ZNF555: variants seen among roughly 807,000 people sequenced by gnomAD.
ZNF555 encodes zinc finger protein 555.
In ZNF555, 10 loss-of-function variants were observed where a neutral mutation model predicts 14.0. The ratio of observed to expected loss-of-function variants is 0.72; its 90% CI spans 0.44 to 1.21. The LOEUF is 1.21. Among genes scored for constraint, ZNF555 ranks in the 50% most tolerant of loss-of-function variants. ZNF555 has a pLI of 0.00. For synonymous variants in ZNF555, 277 were observed against 262.4 expected, an observed-to-expected ratio of 1.06 and a Z score of -0.54; for missense variants, 747 against 762.0, an observed-to-expected ratio of 0.98 and a Z score of 0.23.
In ZNF555 at chr19:2,858,654, C is replaced by G. The variant is rs530873200; in HGVS notation, c.*4702C>G. The G allele has an allele frequency of 9.2e-5, 14 of 152,402 alleles. No homozygotes were observed. In the South Asian group the frequency reaches 1.0e-3, roughly 11 times the overall value. 9.4% of individuals were successfully genotyped at this position (152,402 alleles called of 1,614,324 possible). On this transcript the variant is annotated 3_prime_UTR_variant, in exon 4 of 4. Coordinates refer to ENST00000334241, the MANE Select transcript of ZNF555 (RefSeq NM_152791.5). ...TCTTGCTGTTGGGAACACGTGGCAGCCCTGCGTTGTGAGGTGAGAGAAGAG... is the reference window on the plus strand; with the variant it reads ...TCTTGCTGTTGGGAACACGTGGCAGGCCTGCGTTGTGAGGTGAGAGAAGAG...
chr19:2,853,678 G>C lies in ZNF555; in HGVS notation c.1613G>C (p.Cys538Ser). The change falls in exon 4 of 4, where the codon TGT becomes TCT. Residue 538 changes from cysteine (C) to serine (S), a missense_variant. Transcript: ENST00000334241. ...CACACTGTAGAGAAGCCCTATGAAT[G>C]TAAGGAATGTGGGAAGGTCTTCAAA... Reference protein sequence around the residue: ...RTHTVEKPYECKECGKVFKWP... With the variant: ...RTHTVEKPYESKECGKVFKWP... 3.8e-6 allele frequency: 6 copies of C among 1,580,778 alleles called. No homozygotes were observed. Among genetic ancestry groups the C allele is most frequent in the Non-Finnish European group, 5.2e-6 (6 of 1,164,840 alleles).
chr19:2,852,269 T>G, intron 3 of ZNF555, 111 bp from the exon 4 acceptor site: 5 of 1,300,500 alleles, frequency 3.8e-6, no homozygotes, highest in Non-Finnish European at 5.3e-6. Flanking sequence ...ACAGTTCCCA[T>G]GGGGTGAAAA....
intron 2 of ZNF555, 43 bp from the exon 3 acceptor site, chr19:2,851,425 A>T (rs1273546609): frequency 1.3e-6 from 2 of 1,510,302 alleles, no homozygotes; most frequent in African/African-American, 2.8e-5. Context: ...GTTTTCCGCT[A>T]ACAAGTGCCT....
chr19:2,853,429 A>G lies in ZNF555; in HGVS notation c.1364A>G (p.Lys455Arg). The G allele has an allele frequency of 1.2e-6, 2 of 1,614,200 alleles. No individual in the cohort carries two copies. Among genetic ancestry groups the G allele is most frequent in the Non-Finnish European group, 1.7e-6 (2 of 1,180,022 alleles). The change falls in exon 4 of 4, where the codon AAG becomes AGG. Residue 455 changes from lysine (K) to arginine (R), a missense_variant. Lys to Arg is a conservative substitution (Grantham distance 26). Transcript: ENST00000334241. Reference sequence around the variant, plus strand: ...ACTAGAGAGAAACCCTATGAATGTAAGCAGTGTGGGAAAGCCTTCAGCTTG... The same window carrying G: ...ACTAGAGAGAAACCCTATGAATGTAGGCAGTGTGGGAAAGCCTTCAGCTTG... ...THTREKPYEC[K>R]QCGKAFSLSA... is the part of the protein sequence containing the mutation.
chr19:2,847,710 A>G (rs1283028281), intron 1 of ZNF555, among the ~76,000 whole-genome samples: 1 of 152,376 alleles, frequency 6.6e-6, no homozygotes, highest in Non-Finnish European at 1.5e-5. Flanking sequence ...ATTGGATTAG[A>G]TGATGTCATT....
At chr19:2,846,949 T>C (rs1439134919) in intron 1 of ZNF555, among the ~76,000 whole-genome samples, 1 of 152,240 alleles carries the variant, frequency 6.6e-6, no homozygotes, top group Non-Finnish European at 1.5e-5. Context: ...TTGCCTCTCT[T>C]TTCATTTGTT....
Position 2,853,417 on chromosome 19 carries a change from C to G in ZNF555, c.1352C>G (p.Pro451Arg). 1 of 1,614,020 alleles carries G rather than the reference C, an allele frequency of 6.2e-7. No individual in the cohort carries two copies. The highest frequency in any genetic ancestry group is 8.5e-7 in the Non-Finnish European group (1 of 1,179,982). Residue 451 changes from proline to arginine, a missense_variant, in exon 4 of 4, where the codon CCC (proline) becomes CGC (arginine). By Grantham distance (103) the Pro-to-Arg change is moderately radical. Coordinates refer to ENST00000334241, the MANE Select transcript of ZNF555 (RefSeq NM_152791.5). Reference protein sequence around the residue: ...KHMRTHTREKPYECKQCGKAF... With the variant: ...KHMRTHTREKRYECKQCGKAF... The stretch of plus-strand genomic sequence containing the variant: ...ATGAGAACACATACTAGAGAGAAAC[C>G]CTATGAATGTAAGCAGTGTGGGAAA...
At position 2,859,168 on chromosome 19, in the gene ZNF555, T is replaced by A. The variant is rs1314366388; in HGVS notation, c.*5216T>A. ...AACACGGGCTCGCGTCTAAAAGAGC[T>A]GTGCTTTGTTGGGGCTATCTGGGAG... is the stretch of plus-strand genomic sequence containing the variant. On this transcript the variant is annotated 3_prime_UTR_variant, in exon 4 of 4. Transcript: ENST00000334241. The A allele has an allele frequency of 2.6e-5, 4 of 152,242 alleles. No individual in the cohort carries two copies. Among genetic ancestry groups the A allele is most frequent in the African/African-American group, 9.6e-5 (4 of 41,452 alleles). The allele number at this position is 152,242 out of a possible 1,614,324, so 9.4% of individuals were successfully genotyped here. A position where few individuals can be genotyped will look rare whatever the true frequency, so the allele number is the denominator to read the frequency against.
In ZNF555 at chr19:2,853,442, A is replaced by C; in HGVS notation, c.1377A>C (p.Lys459Asn). The C allele has an allele frequency of 1.2e-6, 2 of 1,614,220 alleles. No homozygotes were observed. The highest frequency in any genetic ancestry group is 1.7e-6 in the Non-Finnish European group (2 of 1,180,038). Reference sequence around the variant, plus strand: ...CCTATGAATGTAAGCAGTGTGGGAAAGCCTTCAGCTTGTCTGCTTGCTTTC... The same window carrying C: ...CCTATGAATGTAAGCAGTGTGGGAACGCCTTCAGCTTGTCTGCTTGCTTTC... The part of the protein sequence containing the change: ...EKPYECKQCG[K>N]AFSLSACFRE... The change falls in exon 4 of 4, where the codon AAA becomes AAC. Residue 459 changes from lysine (K) to asparagine (N), a missense_variant. Lys to Asn is a moderately conservative substitution (Grantham distance 94, BLOSUM62 0). Transcript: ENST00000334241.
rs2087710791 is a variant in ZNF555 at position 2,859,222 on chromosome 19, C to T, written c.*5270C>T. ...CCGCCTTCCATGAAGTGCGCAGGCG[C>T]ACTTAGGCGAGGCGGGGCGACTCTA... is the stretch of plus-strand genomic sequence containing the variant. On this transcript the variant is annotated 3_prime_UTR_variant, in exon 4 of 4. Coordinates refer to ENST00000334241, the MANE Select transcript of ZNF555 (RefSeq NM_152791.5). The T allele has an allele frequency of 6.6e-6, 1 of 152,380 alleles. No individual in the cohort carries two copies. Among genetic ancestry groups the T allele is most frequent in the Non-Finnish European group, 1.5e-5 (1 of 68,072 alleles). The allele number at this position is 152,380 out of a possible 1,614,324, so 9.4% of individuals were successfully genotyped here.
intron 1 of ZNF555, among the ~76,000 whole-genome samples, chr19:2,848,246 G>C (rs2087598944): frequency 6.6e-6 from 1 of 151,874 alleles, no homozygotes; most frequent in African/African-American, 2.4e-5. Context: ...CCGCCTCCCG[G>C]GTTCACGCCA....
intron 1 of ZNF555, among the ~76,000 whole-genome samples, chr19:2,846,382 C>T (rs1300015030): frequency 6.6e-6 from 1 of 152,214 alleles, no homozygotes; most frequent in Non-Finnish European, 1.5e-5. Context: ...CTGAATCAGA[C>T]AGTTCCATCC....
At chr19:2,848,298 C>G (rs2087599461) in intron 1 of ZNF555, among the ~76,000 whole-genome samples, 1 of 151,736 alleles carries the variant, frequency 6.6e-6, no homozygotes, top group Non-Finnish European at 1.5e-5. Context: ...ACTACAGGCG[C>G]CCACCACCAC....
chr19:2,843,353 T>TG (rs1191376998), intron 1 of ZNF555, among the ~76,000 whole-genome samples: 1 of 152,118 alleles, frequency 6.6e-6, no homozygotes, highest in African/African-American at 2.4e-5. Context: ...TTTCTAGGGA[T>TG]GGGGTCTCAT....
chr19:2,852,442 A>G lies in ZNF555; in HGVS notation c.377A>G (p.Gln126Arg), dbSNP rs774112450. ...SNDQCGEALSQIPHLNLYKKI... is the reference protein window; with the variant it reads ...SNDQCGEALSRIPHLNLYKKI... ...GATCAATGTGGAGAAGCCCTCAGCC[A>G]GATTCCACATCTTAATCTGTACAAG... The change falls in exon 4 of 4, where the codon CAG (glutamine) becomes CGG (arginine). Residue 126 changes from glutamine (Q) to arginine (R), a missense_variant. Coordinates refer to ENST00000334241, the MANE Select transcript of ZNF555 (RefSeq NM_152791.5). 3 of 1,614,088 alleles carry G rather than the reference A, an allele frequency of 1.9e-6. No homozygotes were observed. Among genetic ancestry groups the G allele is most frequent in the South Asian group, 1.1e-5 (1 of 91,092 alleles).
In ZNF555 at chr19:2,855,674, CTT is replaced by C. The variant is rs1568346301; in HGVS notation, c.*1726_*1727del. 1 of 152,164 alleles carries C rather than the reference CTT, an allele frequency of 6.6e-6. No homozygotes were observed. The highest frequency in any genetic ancestry group is 2.4e-5 in the African/African-American group (1 of 41,440). The allele number at this position is 152,164 out of a possible 1,614,324, so 9.4% of individuals were successfully genotyped here. On this transcript the variant is annotated 3_prime_UTR_variant, in exon 4 of 4. Transcript: ENST00000334241. ...AAACTGGGTGACATAGGAAAACAAA[CTT>C]TTTGTTTCTCAGTTCTGGACCCAGA...
intron 1 of ZNF555, among the ~76,000 whole-genome samples, chr19:2,849,965 T>C (rs992568539): frequency 6.6e-6 from 1 of 152,196 alleles, no homozygotes; most frequent in African/African-American, 2.4e-5. Context: ...ATAGGGAATG[T>C]GTGGAGGTCT....
rs867680727 is a variant in ZNF555 at position 2,844,102 on chromosome 19, T to C, written c.3+2527T>C. Among the ~76,000 whole-genome samples the C allele has an allele frequency of 9.9e-3, 1,450 of 147,162 alleles. 44 individuals are homozygous for C. Among genetic ancestry groups the C allele is most frequent in the African/African-American group, 0.035 (1,357 of 39,292 alleles). Reference sequence around the variant, plus strand: ...TCCTTTCTCTCTCTCTCTTTTCTTTTTTTTTTTTTTTTTTTTAAAGAGGGA... The same window carrying C: ...TCCTTTCTCTCTCTCTCTTTTCTTTCTTTTTTTTTTTTTTTTAAAGAGGGA... On this transcript the variant is annotated intron_variant, in intron 1 of 3. Transcript: ENST00000334241.
intron 2 of ZNF555, among the ~76,000 whole-genome samples, chr19:2,851,189 G>C (rs936976761): frequency 6.6e-6 from 1 of 151,780 alleles, no homozygotes; most frequent in Non-Finnish European, 1.5e-5. Flanking sequence ...GTAGAGACGG[G>C]GTTTCACCAT....
Sources: gnomAD v4.1 joint callset for allele counts (sites outside exome capture counted in the v4.1 genomes callset) on GRCh38, gnomAD v4.1.1 for gene constraint, MANE v1.5 for transcripts, NCBI Gene and HGNC (gene_info 2026-07-23, HGNC 2026-07-21) for gene names.